The following ME1 variants were observed in gnomAD, a reference collection of about 807,000 sequenced individuals.
The protein encoded by ME1 is malic enzyme 1.
Under a neutral mutation model 66.4 loss-of-function variants are expected in ME1, and 74 were observed. The observed-to-expected ratio is 1.11, with a 90% CI of 0.92 to 1.35. The LOEUF (loss-of-function observed/expected upper bound fraction) is 1.35, where lower values mean the gene tolerates loss of function less well. Ranked by LOEUF, ME1 falls within the 40% of genes most tolerant of loss-of-function variation. The probability of loss-of-function intolerance (pLI) is 0.00; values close to 1 mark genes in which losing one functional copy is unlikely to be tolerated. For synonymous variants in ME1, 251 were observed against 235.6 expected, an observed-to-expected ratio of 1.07 and a Z score of -0.60; for missense variants, 750 against 694.1, an observed-to-expected ratio of 1.08 and a Z score of -0.90.
At chr6:83,248,700 C>G (rs571139321) in intron 7 of ME1, among the ~76,000 whole-genome samples, 1 of 152,174 alleles carries the variant, frequency 6.6e-6, no homozygotes, top group African/African-American at 2.4e-5. Flanking sequence ...TCACTCATCT[C>G]TCTCCTGCTG....
chr6:83,235,066 T>G (rs1790373527), intron 9 of ME1, among the ~76,000 whole-genome samples: 2 of 152,138 alleles, frequency 1.3e-5, no homozygotes, highest in African/African-American at 4.8e-5. Flanking sequence ...GTTTCAGTTT[T>G]GTATATAGGA....
chr6:83,430,716 T>C (rs766931143), intron 1 of ME1, among the ~76,000 whole-genome samples, 161 bp downstream of exon 1: 1 of 152,252 alleles, frequency 6.6e-6, no homozygotes, highest in East Asian at 1.9e-4. Context: ...GGCGTCCTTC[T>C]TCCTTCTGCC....
intron 3 of ME1, among the ~76,000 whole-genome samples, chr6:83,378,994 T>C (rs999361149): frequency 1.3e-5 from 2 of 152,186 alleles, no homozygotes; most frequent in Non-Finnish European, 2.9e-5. Flanking sequence ...TTGCTCATGA[T>C]GGTTACTTAT....
chr6:83,393,833 T>C (rs775666422), intron 3 of ME1, among the ~76,000 whole-genome samples: 3 of 152,100 alleles, frequency 2.0e-5, no homozygotes, highest in South Asian at 2.1e-4. Flanking sequence ...TATAATACAT[T>C]ACCCAGAGAA....
At chr6:83,289,594 C>CT (rs992016381) in intron 6 of ME1, among the ~76,000 whole-genome samples, 2 of 152,064 alleles carry the variant, frequency 1.3e-5, no homozygotes, top group Non-Finnish European at 2.9e-5. Context: ...CTGAAATTTT[C>CT]TTTTTTTGTT....
At chr6:83,235,502 G>A (rs1015790033) in intron 9 of ME1, among the ~76,000 whole-genome samples, 24 of 127,494 alleles carry the variant, frequency 1.9e-4, no homozygotes, top group African/African-American at 7.6e-4. Flanking sequence ...ATGGAGTCTC[G>A]CTCTGTCACC....
intron 7 of ME1, among the ~76,000 whole-genome samples, chr6:83,244,649 A>G (rs1238839726): frequency 6.6e-6 from 1 of 152,090 alleles, no homozygotes; most frequent in East Asian, 1.9e-4. Flanking sequence ...GTCATGTGTT[A>G]TTCTGATAGC....
chr6:83,221,523 C>T (rs1407472510), intron 12 of ME1, among the ~76,000 whole-genome samples: 7 of 152,190 alleles, frequency 4.6e-5, no homozygotes, highest in Non-Finnish European at 8.8e-5. Context: ...TTGCTGCCTG[C>T]TTGGAAAGGG....
chr6:83,430,791 C>G (rs537296259), intron 1 of ME1, 86 bp downstream of exon 1: 1 of 1,209,968 alleles, frequency 8.3e-7, no homozygotes, highest in Non-Finnish European at 1.2e-6. Flanking sequence ...GGCGGAGGGG[C>G]GAGGCCATGG....
At chr6:83,225,603 G>A (rs1024877171) in intron 11 of ME1, among the ~76,000 whole-genome samples, 1 of 151,850 alleles carries the variant, frequency 6.6e-6, no homozygotes, top group African/African-American at 2.4e-5. Context: ...AAATAGATGA[G>A]GCAGAAAAAC....
chr6:83,331,809 C>A (rs961970746), intron 5 of ME1, among the ~76,000 whole-genome samples: 1 of 151,748 alleles, frequency 6.6e-6, no homozygotes, highest in Non-Finnish European at 1.5e-5. Context: ...GTTACAATAA[C>A]CCTAAAAAAA....
At chr6:83,344,460 G>A (rs1768648645) in intron 5 of ME1, among the ~76,000 whole-genome samples, 1 of 152,150 alleles carries the variant, frequency 6.6e-6, no homozygotes, top group Non-Finnish European at 1.5e-5. Flanking sequence ...GCATGTAACT[G>A]TAGTCCCAGC....
At chr6:83,324,644 G>A (rs1337796678) in intron 5 of ME1, among the ~76,000 whole-genome samples, 1 of 140,340 alleles carries the variant, frequency 7.1e-6, no homozygotes, top group Non-Finnish European at 1.5e-5. Flanking sequence ...GACTAAACTA[G>A]GAAGAAGTCG....
At chr6:83,285,446 T>C (rs753215050) in intron 6 of ME1, among the ~76,000 whole-genome samples, 1 of 152,202 alleles carries the variant, frequency 6.6e-6, no homozygotes, top group Admixed American at 6.5e-5. Flanking sequence ...AGAGTTTTTA[T>C]TGTACTTGCT....
intron 5 of ME1, among the ~76,000 whole-genome samples, chr6:83,322,125 A>G (rs1768190074): frequency 6.6e-6 from 1 of 152,138 alleles, no homozygotes; most frequent in Non-Finnish European, 1.5e-5. Context: ...AAAAAGGACA[A>G]CCATGCAAAA....
At chr6:83,368,973 G>A (rs1769147016) in intron 3 of ME1, among the ~76,000 whole-genome samples, 1 of 152,064 alleles carries the variant, frequency 6.6e-6, no homozygotes, top group African/African-American at 2.4e-5. Context: ...AGAACTGCAG[G>A]AAAGTTGAAT....
At chr6:83,252,698 C>T (rs756546260) in intron 7 of ME1, among the ~76,000 whole-genome samples, 3 of 152,006 alleles carry the variant, frequency 2.0e-5, no homozygotes, top group Non-Finnish European at 4.4e-5. Context: ...TACCTAAGAA[C>T]ATACAGCAGA....
chr6:83,423,758 G>T (rs1361230081), intron 1 of ME1, among the ~76,000 whole-genome samples: 3 of 150,806 alleles, frequency 2.0e-5, no homozygotes, highest in Non-Finnish European at 4.4e-5. Flanking sequence ...TGTTACCACT[G>T]CCCTCCTGCC....
chr6:83,347,593 C>T (rs1036325155), intron 4 of ME1, among the ~76,000 whole-genome samples: 3 of 152,098 alleles, frequency 2.0e-5, no homozygotes, highest in African/African-American at 7.2e-5. Flanking sequence ...TACCACTGTA[C>T]ATCAGCACCT....
Sources: gnomAD v4.1 joint callset for allele counts (sites outside exome capture counted in the v4.1 genomes callset) on GRCh38, gnomAD v4.1.1 for gene constraint, MANE v1.5 for transcripts, NCBI Gene and HGNC (gene_info 2026-07-23, HGNC 2026-07-21) for gene names.